Variants in FAM217A observed in about 807,000 individuals in gnomAD.
FAM217A encodes protein FAM217A.
In FAM217A, 13 loss-of-function variants were observed where a neutral mutation model predicts 18.5. The observed-to-expected ratio is 0.70, with a 90% CI of 0.46 to 1.12. The LOEUF (loss-of-function observed/expected upper bound fraction) is 1.12. Ranked by LOEUF, FAM217A falls within the 50% of genes most tolerant of loss-of-function variation. The pLI is 0.00. For synonymous variants in FAM217A, 161 were observed against 202.8 expected (o/e 0.79, Z 1.75); for missense variants, 560 against 575.4 (o/e 0.97, Z 0.27).
rs191816538 is a variant in FAM217A, at chr6:4,076,441, A to T, written c.60+914T>A. 4.3e-3 allele frequency among the ~76,000 whole-genome samples: 659 copies of T among 152,088 alleles called. 2 individuals are homozygous for T. Among genetic ancestry groups the T allele is most frequent in the Non-Finnish European group, 6.9e-3 (470 of 67,990 alleles). ...CTGGGTTTTTATGTTCATGTGTGAG[A>T]TGCACCCCTTCAGACTTTTTTACGA... On this transcript the variant is annotated intron_variant, in intron 2 of 6. Transcript: ENST00000274673.
chr6:4,082,603 A>G (rs2113894012), upstream of FAM217A, among the ~76,000 whole-genome samples: 1 of 152,354 alleles, frequency 6.6e-6, no homozygotes. Flanking sequence ...GCCCATACCC[A>G]GAAGGAAGGA....
chr6:4,084,809 C>A, exon 2 of FAM217A: 2 of 702,696 alleles, frequency 2.8e-6, no homozygotes, highest in South Asian at 3.0e-5. Flanking sequence ...CACAGCAACC[C>A]TCTTAGGAAC....
chr6:4,087,196 C>T (rs1770726876), upstream of FAM217A: 3 of 636,422 alleles, frequency 4.7e-6, no homozygotes, highest in South Asian at 1.6e-4. Context: ...GATACGCGCG[C>T]CCCCGCTTTC....
In FAM217A at chr6:4,073,489, C is replaced by T. The variant is rs1769557497; in HGVS notation, c.178G>A (p.Val60Met). The change falls in exon 5 of 7, where the codon GTG (valine) becomes ATG (methionine). Residue 60 changes from valine (V) to methionine (M), a missense_variant. By Grantham distance (21) the Val-to-Met change is conservative. Transcript: ENST00000274673. ...KINKNYLEIP[V>M]EQLMLEPNLS... ...TTAGGTTCTAGCATCAGTTGCTCCA[C>T]TGGAATTTCCAAATAGTTCTATAAG... 6.2e-7 allele frequency: 1 copy of T among 1,613,448 alleles called. No individual in the cohort carries two copies. The highest frequency in any genetic ancestry group is 8.5e-7 in the Non-Finnish European group (1 of 1,179,724).
At chr6:4,078,752 C>G (rs895287227) in intron 1 of FAM217A, 100 bp downstream of exon 1, 1 of 406,522 alleles carries the variant, frequency 2.5e-6, no homozygotes, top group Non-Finnish European at 4.4e-6. Flanking sequence ...GAGGAATCCC[C>G]TTTTCCTCCT....
upstream of FAM217A, chr6:4,079,553 T>TC (rs1770119608): frequency 2.4e-6 from 3 of 1,240,746 alleles, no homozygotes; most frequent in Admixed American, 2.3e-5. Flanking sequence ...TCCAGGCCCT[T>TC]CCCTGGGCCT....
chr6:4,068,925 G>A lies in FAM217A; in HGVS notation c.1298C>T (p.Thr433Ile). 6.2e-7 allele frequency: 1 copy of A among 1,614,168 alleles called. No homozygotes were observed. The highest frequency in any genetic ancestry group is 8.5e-7 in the Non-Finnish European group (1 of 1,180,022). ...TNQSMVKMVS[T>I]RCLPWRSPMP... Reference sequence around the variant, plus strand: ...TGGAGACCTCCATGGCAGACATCTTGTGGAGACCATTTTAACCATTGATTG... The same window carrying A: ...TGGAGACCTCCATGGCAGACATCTTATGGAGACCATTTTAACCATTGATTG... Residue 433 changes from threonine to isoleucine, a missense_variant, in exon 7 of 7, where the codon ACA becomes ATA. Physicochemically the swap from Thr to Ile is moderately conservative, Grantham distance 89. Transcript: ENST00000274673.
At chr6:4,086,542 A>T (rs1770677909) in intron 1 of FAM217A, among the ~76,000 whole-genome samples, 1 of 151,726 alleles carries the variant, frequency 6.6e-6, no homozygotes, top group Non-Finnish European at 1.5e-5. Context: ...AATGTATCAT[A>T]TGGTATAATC....
upstream of FAM217A, chr6:4,079,487 G>C: frequency 2.0e-6 from 1 of 512,438 alleles, no homozygotes; most frequent in Non-Finnish European, 3.1e-6. Flanking sequence ...GACCTTCTTC[G>C]GCCTTCCTGG....
At chr6:4,074,480 A>G in intron 3 of FAM217A, 24 bp from the exon 4 acceptor site, 2 of 1,586,190 alleles carry the variant, frequency 1.3e-6, no homozygotes, top group South Asian at 2.2e-5. Flanking sequence ...AAAAAATGAC[A>G]ATTAATAGTT....
chr6:4,072,270 G>A (rs556626369), intron 6 of FAM217A, among the ~76,000 whole-genome samples: 143 of 152,174 alleles, frequency 9.4e-4, no homozygotes, highest in African/African-American at 3.3e-3. Flanking sequence ...AACCTGGGAG[G>A]CAGAGGTTGC....
Position 4,068,540 on chromosome 6 carries a change from G to A in FAM217A, c.*156C>T, listed in dbSNP as rs780430662. On this transcript the variant is annotated 3_prime_UTR_variant, in exon 7 of 7. Transcript: ENST00000274673. ...GGGTTTATATATAGACATCTCAGCA[G>A]TGCTTTTCACAAGTTCTACTCCATA... The A allele has an allele frequency of 4.2e-6, 3 of 715,544 alleles. No homozygotes were observed. Among genetic ancestry groups the A allele is most frequent in the Non-Finnish European group, 6.7e-6 (3 of 450,242 alleles). 44.3% of individuals were successfully genotyped at this position (715,544 alleles called of 1,614,324 possible).
At chr6:4,072,085 G>A (rs764120890) in intron 6 of FAM217A, among the ~76,000 whole-genome samples, 32 of 152,322 alleles carry the variant, frequency 2.1e-4, no homozygotes, top group Non-Finnish European at 4.1e-4. Context: ...GCTCACGCCC[G>A]TAATCCCAGC....
At chr6:4,079,611 G>A (rs189377559), upstream of FAM217A, 83 of 1,285,638 alleles carry the variant, frequency 6.5e-5, 1 homozygote, top group East Asian at 4.6e-3. Context: ...TCTGGGACCC[G>A]GGGCCCGGCC....
Position 4,069,169 on chromosome 6 carries a change from T to C in FAM217A, c.1054A>G (p.Lys352Glu), listed in dbSNP as rs767864891. ...QIPCVDKSQE[K>E]SKNNSGSCKL... ...CAAGAACCAGAGTTGTTTTTACTTT[T>C]TTCTTGACTTTTATCTACACAAGGT... The change falls in exon 7 of 7, where the codon AAA (lysine) becomes GAA (glutamate). Residue 352 changes from lysine to glutamate, a missense_variant. Lys to Glu is a moderately conservative substitution (Grantham distance 56). Coordinates refer to ENST00000274673, the MANE Select transcript of FAM217A (RefSeq NM_173563.3). The C allele has an allele frequency of 1.3e-5, 21 of 1,613,742 alleles. No individual in the cohort carries two copies. Among genetic ancestry groups the C allele is most frequent in the Non-Finnish European group, 1.6e-5 (19 of 1,179,988 alleles).
intron 6 of FAM217A, 97 bp downstream of exon 6, chr6:4,073,178 C>G: frequency 1.1e-6 from 1 of 948,236 alleles, no homozygotes; most frequent in East Asian, 2.5e-5. Flanking sequence ...CTATTTTCTT[C>G]TGGTTGTTCA....
Position 4,069,451 on chromosome 6 carries a change from C to T in FAM217A, c.772G>A (p.Ala258Thr), listed in dbSNP as rs639905. The T allele has an allele frequency of 0.2, 326,465 of 1,613,756 alleles. 36,334 individuals carry two copies. The highest frequency in any genetic ancestry group is 0.42 in the African/African-American group (31,122 of 74,920). The change falls in exon 7 of 7, where the codon GCT becomes ACT. Residue 258 changes from alanine (A) to threonine (T), a missense_variant. Physicochemically the swap from Ala to Thr is moderately conservative, Grantham distance 58. Transcript: ENST00000274673. ...YPDFLPPPFS[A>T]LDLHNLALSK... ...AGGGCTAAATTGTGCAAGTCTAGAG[C>T]ACTGAAAGGAGGAGGGAGAAAATCA... is the stretch of plus-strand genomic sequence containing the variant.
At chr6:4,079,586 C>T (rs1486477058), upstream of FAM217A, 2 of 1,287,296 alleles carry the variant, frequency 1.6e-6, no homozygotes, top group South Asian at 2.5e-5. Context: ...CTCTCCGCGA[C>T]ATGGCCAGTG....
chr6:4,073,456 C>T lies in FAM217A; in HGVS notation c.211G>A (p.Val71Met), dbSNP rs1211163854. 6.2e-7 allele frequency: 1 copy of T among 1,613,324 alleles called. No homozygotes were observed. The highest frequency in any genetic ancestry group is 8.5e-7 in the Non-Finnish European group (1 of 1,179,662). ...EQLMLEPNLS[V>M]HSQKSTQNSK... Reference sequence around the variant, plus strand: ...ACCTGTGTACTTTTTTGACTATGCACCGACAAATTAGGTTCTAGCATCAGT... The same window carrying T: ...ACCTGTGTACTTTTTTGACTATGCATCGACAAATTAGGTTCTAGCATCAGT... Residue 71 changes from valine (V) to methionine (M), a missense_variant, in exon 5 of 7, where the codon GTG becomes ATG. Val to Met is a conservative substitution (Grantham distance 21). Transcript: ENST00000274673.
Sources: gnomAD v4.1 joint callset for allele counts (sites outside exome capture counted in the v4.1 genomes callset) on GRCh38, gnomAD v4.1.1 for gene constraint, MANE v1.5 for transcripts, NCBI Gene and HGNC (gene_info 2026-07-23, HGNC 2026-07-21) for gene names.